Variants in MACC1 observed in about 807,000 individuals in gnomAD.
The protein encoded by MACC1 is MET transcriptional regulator MACC1.
A neutral mutation model predicts 70.7 loss-of-function variants in MACC1; 79 were observed. That is an observed-to-expected ratio of 1.12 (90% CI 0.93 to 1.35). MACC1 has a LOEUF of 1.35. Ranked by LOEUF, MACC1 falls within the 40% of genes most tolerant of loss-of-function variation. The pLI, the probability that MACC1 is intolerant of heterozygous loss-of-function variation, is 0.00. For missense variants in MACC1, 1,106 were observed against 978.1 expected (o/e 1.13, Z -1.74); for synonymous variants, 361 against 347.2 (o/e 1.04, Z -0.44).
At chr7:20,168,740 G>T (rs1782258717) in intron 2 of MACC1, among the ~76,000 whole-genome samples, 2 of 152,146 alleles carry the variant, frequency 1.3e-5, no homozygotes, top group Non-Finnish European at 1.5e-5. Context: ...ACACATGTCA[G>T]GTTACAATCC....
intron 1 of MACC1, among the ~76,000 whole-genome samples, chr7:20,186,267 GT>G (rs1395874952): frequency 6.6e-6 from 1 of 151,988 alleles, no homozygotes; most frequent in Non-Finnish European, 1.5e-5. Flanking sequence ...CACTTTCCAG[GT>G]TTTCTAATAC....
chr7:20,158,814 T>C lies in MACC1; in HGVS notation c.1547A>G (p.Asn516Ser). 6.2e-7 allele frequency: 1 copy of C among 1,614,138 alleles called. No homozygotes were observed. Residue 516 changes from asparagine (N) to serine (S), a missense_variant, in exon 5 of 7, where the codon AAT becomes AGT. Physicochemically the swap from Asn to Ser is conservative, Grantham distance 46. Coordinates refer to ENST00000400331, the MANE Select transcript of MACC1 (RefSeq NM_182762.4). ...DPTPNLKRLS[N>S]LPGYLQKKEE... The stretch of plus-strand genomic sequence containing the variant: ...CTTCTTCTGCAAATAGCCTGGCAGA[T>C]TCGAGAGTCTTTTTAGGTTTGGGGT...
intron 2 of MACC1, among the ~76,000 whole-genome samples, chr7:20,168,709 C>T (rs571071922): frequency 6.6e-6 from 1 of 152,270 alleles, no homozygotes; most frequent in South Asian, 2.1e-4. Context: ...CAGCTATCTG[C>T]CTCCCTATTC....
At chr7:20,210,799 T>C (rs1181888245) in intron 1 of MACC1, among the ~76,000 whole-genome samples, 3 of 152,220 alleles carry the variant, frequency 2.0e-5, no homozygotes, top group Non-Finnish European at 4.4e-5. Flanking sequence ...AATTAATGAT[T>C]AAATACATTA....
chr7:20,147,899 C>T (rs2128100871), intron 6 of MACC1, among the ~76,000 whole-genome samples: 1 of 152,286 alleles, frequency 6.6e-6, no homozygotes, highest in Middle Eastern at 3.4e-3. Context: ...GGGAGGATTC[C>T]TCATTGCCTC....
intron 2 of MACC1, among the ~76,000 whole-genome samples, chr7:20,169,162 C>T (rs1782263908): frequency 6.6e-6 from 1 of 152,166 alleles, no homozygotes; most frequent in African/African-American, 2.4e-5. Flanking sequence ...CTTCTTTTAC[C>T]TAATCCCCAC....
chr7:20,195,016 C>T (rs920798178), intron 1 of MACC1, among the ~76,000 whole-genome samples: 47 of 152,228 alleles, frequency 3.1e-4, no homozygotes, highest in African/African-American at 1.1e-3. Context: ...CATTTTCCTT[C>T]ATATAAAGCC....
At chr7:20,160,614 G>A (rs1782127618) in intron 4 of MACC1, among the ~76,000 whole-genome samples, 1 of 151,928 alleles carries the variant, frequency 6.6e-6, no homozygotes, top group South Asian at 2.1e-4. Flanking sequence ...GTTTACAAAA[G>A]CAAATTTCTG....
intron 6 of MACC1, among the ~76,000 whole-genome samples, chr7:20,148,420 G>A (rs1781925823): frequency 6.6e-6 from 1 of 151,954 alleles, no homozygotes; most frequent in Non-Finnish European, 1.5e-5. Context: ...TGCTGATTTT[G>A]GTCTTACACA....
Position 20,216,864 on chromosome 7 carries a change from A to G in MACC1, c.-218+435T>C, listed in dbSNP as rs1171393370. ...GTGAAACATCTTGTCAATGGTCATA[A>G]ATCTAATAAGCAGTGGGGCTGCTGA... On this transcript the variant is annotated intron_variant, in intron 1 of 6. Transcript: ENST00000400331. Among the ~76,000 whole-genome samples the G allele has an allele frequency of 9.8e-5, 15 of 152,294 alleles. No individual in the cohort carries two copies. The East Asian group carries it at 2.9e-3, about 29-fold the overall frequency.
intron 2 of MACC1, among the ~76,000 whole-genome samples, chr7:20,169,080 G>C (rs960200206): frequency 6.6e-5 from 10 of 152,276 alleles, no homozygotes; most frequent in South Asian, 2.1e-4. Flanking sequence ...TCCCACACAA[G>C]AGCATACATT....
intron 1 of MACC1, among the ~76,000 whole-genome samples, chr7:20,210,254 T>C (rs1187446144): frequency 6.6e-6 from 1 of 152,156 alleles, no homozygotes; most frequent in Non-Finnish European, 1.5e-5. Flanking sequence ...GTTGGCAGAT[T>C]TTTTCAAGCA....
intron 1 of MACC1, among the ~76,000 whole-genome samples, chr7:20,191,629 G>A (rs918656034): frequency 6.6e-6 from 1 of 152,190 alleles, no homozygotes; most frequent in Non-Finnish European, 1.5e-5. Context: ...GGCATCCATA[G>A]CTTCAAGTTG....
Position 20,140,304 on chromosome 7 carries a change from G to A in MACC1, c.*642C>T, listed in dbSNP as rs1439008161. On this transcript the variant is annotated 3_prime_UTR_variant, in exon 7 of 7. Coordinates refer to ENST00000400331, the MANE Select transcript of MACC1 (RefSeq NM_182762.4). ...AAAGAAATAGAAACAGGTTTTTCAA[G>A]CAGAAAACCTACTTTGTACTGGCTA... The A allele has an allele frequency of 6.6e-6, 1 of 152,148 alleles. No individual in the cohort carries two copies. Among genetic ancestry groups the A allele is most frequent in the South Asian group, 2.1e-4 (1 of 4,832 alleles). The allele number at this position is 152,148 out of a possible 1,614,324, so 9.4% of individuals were successfully genotyped here. A position where few individuals can be genotyped will look rare whatever the true frequency, so the allele number is the denominator to read the frequency against.
chr7:20,169,498 C>A (rs1242709104), intron 2 of MACC1, among the ~76,000 whole-genome samples: 2 of 152,194 alleles, frequency 1.3e-5, no homozygotes, highest in African/African-American at 4.8e-5. Flanking sequence ...TCCTCACTTG[C>A]ATGGTCTTTT....
chr7:20,140,802 T>C lies in MACC1; in HGVS notation c.*144A>G, dbSNP rs572962229. ...TGCTTTTCTGAGATTCTTTCTTTCC[T>C]ACACACACACACACACACACACAGA... On this transcript the variant is annotated 3_prime_UTR_variant, in exon 7 of 7. Transcript: ENST00000400331. 3 of 456,930 alleles carry C rather than the reference T, an allele frequency of 6.6e-6. No individual in the cohort carries two copies. The highest frequency in any genetic ancestry group is 7.4e-6 in the Non-Finnish European group (2 of 269,188). The allele number at this position is 456,930 out of a possible 1,614,324, so 28.3% of individuals were successfully genotyped here.
chr7:20,208,866 CA>C (rs1782953498), intron 1 of MACC1, among the ~76,000 whole-genome samples: 1 of 152,210 alleles, frequency 6.6e-6, no homozygotes, highest in African/African-American at 2.4e-5. Context: ...CTGCTCTATG[CA>C]ACTTTGGGAC....
At chr7:20,147,390 G>C (rs1219005264) in intron 6 of MACC1, 1 of 152,122 alleles carries the variant, frequency 6.6e-6, no homozygotes, top group African/African-American at 2.4e-5. Context: ...CACATTAAAG[G>C]ATTAGTAATC....
intron 1 of MACC1, among the ~76,000 whole-genome samples, chr7:20,172,878 C>T (rs1782330456): frequency 6.6e-6 from 1 of 152,200 alleles, no homozygotes; most frequent in South Asian, 2.1e-4. Flanking sequence ...CTAGTGGGTT[C>T]CTTGTGATCA....
Sources: gnomAD v4.1 joint callset for allele counts (sites outside exome capture counted in the v4.1 genomes callset) on GRCh38, gnomAD v4.1.1 for gene constraint, MANE v1.5 for transcripts, NCBI Gene and HGNC (gene_info 2026-07-23, HGNC 2026-07-21) for gene names.